Variants in CACNA1E observed in about 807,000 individuals in gnomAD.
The protein encoded by CACNA1E is calcium voltage-gated channel subunit alpha1 E, also known as voltage-dependent R-type calcium channel subunit alpha-1E.
In CACNA1E, 40 loss-of-function variants were observed where a neutral mutation model predicts 259.2. The observed-to-expected ratio is 0.15, with a 90% CI of 0.12 to 0.20. The LOEUF is 0.20. Ranked by LOEUF, CACNA1E falls within the 10% of genes least tolerant of loss-of-function variation. The pLI, the probability that CACNA1E is intolerant of heterozygous loss-of-function variation, is 1.00. For missense variants in CACNA1E, 1,874 were observed against 3,040.1 expected (o/e 0.62, Z 9.02); for synonymous variants, 1,104 against 1,138.5 (o/e 0.97, Z 0.61).
intron 2 of CACNA1E, among the ~76,000 whole-genome samples, chr1:181,414,892 A>G (rs965703707): frequency 6.6e-6 from 1 of 152,200 alleles, no homozygotes; most frequent in African/African-American, 2.4e-5. Context: ...TAACTCTCAA[A>G]GTACTTCTCT....
chr1:181,557,972 T>C (rs975330087), intron 3 of CACNA1E, among the ~76,000 whole-genome samples: 2 of 152,160 alleles, frequency 1.3e-5, no homozygotes, highest in African/African-American at 4.8e-5. Flanking sequence ...GGGTGCTACC[T>C]TAGAAGAGCA....
chr1:181,454,026 G>A (rs527491027), intron 2 of CACNA1E, among the ~76,000 whole-genome samples: 55 of 152,298 alleles, frequency 3.6e-4, no homozygotes, highest in African/African-American at 1.3e-3. Flanking sequence ...GTGCAGAGGG[G>A]AAATGATACC....
At chr1:181,731,362 G>A in intron 19 of CACNA1E, 131 bp downstream of exon 19, 1 of 706,670 alleles carries the variant, frequency 1.4e-6, no homozygotes, top group Admixed American at 2.0e-5. Flanking sequence ...GTGTGTGTGT[G>A]TTCCGTTCAC....
intron 40 of CACNA1E, among the ~76,000 whole-genome samples, chr1:181,784,044 G>T (rs1348056214): frequency 6.6e-6 from 1 of 152,160 alleles, no homozygotes; most frequent in Non-Finnish European, 1.5e-5. Context: ...AGGTATTCTA[G>T]AAATATTTAT....
chr1:181,381,070 G>A (rs1655425936), intron 1 of CACNA1E, among the ~76,000 whole-genome samples: 1 of 152,006 alleles, frequency 6.6e-6, no homozygotes, highest in African/African-American at 2.4e-5. Flanking sequence ...GGAGGCTGAG[G>A]CAGGAGAATC....
intron 1 of CACNA1E, among the ~76,000 whole-genome samples, chr1:181,331,095 C>G (rs1319653708): frequency 6.6e-6 from 1 of 152,114 alleles, no homozygotes; most frequent in African/African-American, 2.4e-5. Flanking sequence ...ATTAAACAAG[C>G]ATATAAAGTA....
Position 181,785,828 on chromosome 1 carries a change from C to T in CACNA1E, c.5786+9C>T. 6.4e-7 allele frequency: 1 copy of T among 1,557,178 alleles called. No individual in the cohort carries two copies. Among genetic ancestry groups the T allele is most frequent in the East Asian group, 2.2e-5 (1 of 44,592 alleles). ...GACCCCGTTTCAGGCCTGTGAGTAG[C>T]ACCAAAACATCCCTGGCATGGCTGT... On this transcript the variant is annotated intron_variant, in intron 43 of 47. Transcript: ENST00000367573.
chr1:181,617,855 C>T (rs540648519), intron 6 of CACNA1E, among the ~76,000 whole-genome samples: 1 of 152,336 alleles, frequency 6.6e-6, no homozygotes, highest in East Asian at 1.9e-4. Flanking sequence ...GCCATTAGGG[C>T]TTTGCATGTC....
intron 1 of CACNA1E, among the ~76,000 whole-genome samples, chr1:181,497,005 T>A (rs1572019805): frequency 6.6e-6 from 1 of 151,996 alleles, no homozygotes; most frequent in Admixed American, 6.6e-5. Flanking sequence ...AGGGAGCAGG[T>A]CTGAGGAATA....
intron 2 of CACNA1E, among the ~76,000 whole-genome samples, chr1:181,422,728 G>T (rs990089267): frequency 6.6e-6 from 1 of 152,172 alleles, no homozygotes; most frequent in African/African-American, 2.4e-5. Flanking sequence ...ATGCTTGGTT[G>T]TTTTTCTCCT....
chr1:181,651,251 C>T (rs1199021676), intron 6 of CACNA1E, 87 bp from the exon 7 acceptor site: 2 of 864,992 alleles, frequency 2.3e-6, no homozygotes, highest in Non-Finnish European at 3.8e-6. Context: ...GTGGTTTTTA[C>T]ATCACCCTCT....
chr1:181,783,769 A>G lies in CACNA1E; in HGVS notation c.5455A>G (p.Ile1819Val), dbSNP rs957784121. 5 of 1,588,780 alleles carry G rather than the reference A, an allele frequency of 3.1e-6. No individual in the cohort carries two copies. The highest frequency in any genetic ancestry group is 1.7e-4 in the Middle Eastern group (1 of 6,030). The change falls in exon 40 of 48, where the codon ATT (isoleucine) becomes GTT (valine). Residue 1819 changes from isoleucine (I) to valine (V), a missense_variant. Ile to Val is a conservative substitution (Grantham distance 29). This residue lies in a region of CACNA1E where 147 missense variants were observed against 337.1 expected (regional missense o/e 0.44). Transcript: ENST00000367573. ...GGCTCTGATCCGGACAGCTCTGGACATTAAAATTGCCAAAGGTAAGCTTAG... is the reference window on the plus strand; with the variant it reads ...GGCTCTGATCCGGACAGCTCTGGACGTTAAAATTGCCAAAGGTAAGCTTAG... ...LMALIRTALD[I>V]KIAKGGADRQ...
chr1:181,455,779 G>T (rs1206340366), intron 2 of CACNA1E, among the ~76,000 whole-genome samples: 5 of 152,144 alleles, frequency 3.3e-5, no homozygotes, highest in Admixed American at 1.3e-4. Context: ...GATGGTCTTT[G>T]CTCATTCTGG....
chr1:181,625,047 C>CT (rs3083524), intron 6 of CACNA1E, among the ~76,000 whole-genome samples: 1 of 108,690 alleles, frequency 9.2e-6, no homozygotes, highest in African/African-American at 3.2e-5. Context: ...TGAAAGGAAT[C>CT]TTTTTTTTTT....
chr1:181,366,318 G>A (rs966993718), intron 1 of CACNA1E, among the ~76,000 whole-genome samples: 1 of 152,120 alleles, frequency 6.6e-6, no homozygotes, highest in African/African-American at 2.4e-5. Flanking sequence ...ATCAGACGCT[G>A]GCTCAAGGCA....
chr1:181,560,400 T>C (rs1329973532), intron 3 of CACNA1E, among the ~76,000 whole-genome samples: 2 of 152,180 alleles, frequency 1.3e-5, no homozygotes, highest in Non-Finnish European at 2.9e-5. Flanking sequence ...TTTTTTTTCC[T>C]TTTGAATGTA....
At chr1:181,482,398 C>G (rs1255292209), upstream of CACNA1E, among the ~76,000 whole-genome samples, 2 of 152,266 alleles carry the variant, frequency 1.3e-5, no homozygotes, top group South Asian at 4.1e-4. Flanking sequence ...TCCGCCGCAT[C>G]GCTGGCTGCA....
chr1:181,628,400 C>T (rs903211376), intron 6 of CACNA1E, among the ~76,000 whole-genome samples: 24 of 152,108 alleles, frequency 1.6e-4, no homozygotes, highest in Admixed American at 1.6e-3. Context: ...GAGCTCATTG[C>T]CAGTGCCTTC....
rs2102478572 is a variant in CACNA1E at position 181,720,257 on chromosome 1, G to A, written c.1803G>A (p.Lys601=). 5 of 1,613,770 alleles carry A rather than the reference G, an allele frequency of 3.1e-6. No homozygotes were observed. The highest frequency in any genetic ancestry group is 4.5e-5 in the East Asian group (2 of 44,886). ...NLVVSLMSSM[K]SIISLLFLLF... ...TGGTCTCCTTGATGAGCTCAATGAA[G>A]TCTATCATCAGTTTGCTTTTCCTCC... Residue 601 remains lysine, a synonymous_variant, in exon 14 of 48, where the codon AAG becomes AAA. Transcript: ENST00000367573.
Sources: gnomAD v4.1 joint callset for allele counts (sites outside exome capture counted in the v4.1 genomes callset) on GRCh38, gnomAD v4.1.1 for gene constraint, gnomAD v4.1.1 regional missense constraint, MANE v1.5 for transcripts, NCBI Gene and HGNC (gene_info 2026-07-23, HGNC 2026-07-21) for gene names.